UBAP2L: variants seen among roughly 807,000 people sequenced by gnomAD.
The protein encoded by UBAP2L is ubiquitin associated protein 2 like, also known as ubiquitin-associated protein 2-like.
In UBAP2L, 12 loss-of-function variants were observed where a neutral mutation model predicts 130.6. The ratio of observed to expected loss-of-function variants is 0.09; its 90% CI spans 0.06 to 0.15. UBAP2L has a LOEUF of 0.15. Ranked by LOEUF, UBAP2L falls within the 10% of genes least tolerant of loss-of-function variation. The pLI is 1.00. For missense variants in UBAP2L, 965 were observed against 1,332.5 expected (o/e 0.72, Z 4.29); for synonymous variants, 503 against 524.7 (o/e 0.96, Z 0.57).
chr1:154,255,374 A>G (rs1489761514), intron 17 of UBAP2L, 48 bp downstream of exon 17: 1 of 1,599,954 alleles, frequency 6.3e-7, no homozygotes, highest in Non-Finnish European at 8.5e-7. Flanking sequence ...TAGCAATAAC[A>G]GAGCTCTCTG....
At chr1:154,247,371 A>G (rs746454842) in intron 11 of UBAP2L, among the ~76,000 whole-genome samples, 1 of 152,094 alleles carries the variant, frequency 6.6e-6, no homozygotes, top group Non-Finnish European at 1.5e-5. Context: ...AAATGGAGAG[A>G]AGTGTTGGGA....
chr1:154,255,865 T>A, intron 18 of UBAP2L, 110 bp downstream of exon 18: 1 of 1,334,250 alleles, frequency 7.5e-7, no homozygotes, highest in South Asian at 1.2e-5. Context: ...GGTGGCAAAA[T>A]AATTGATTTG....
chr1:154,259,706 G>C, intron 21 of UBAP2L: 1 of 637,232 alleles, frequency 1.6e-6, no homozygotes, highest in Admixed American at 2.2e-5. Flanking sequence ...GGTCCTCGTG[G>C]ACTTTGATGT....
chr1:154,234,046 T>A (rs1670811681), intron 4 of UBAP2L, among the ~76,000 whole-genome samples: 1 of 151,996 alleles, frequency 6.6e-6, no homozygotes, highest in Non-Finnish European at 1.5e-5. Context: ...ACTTTATGGC[T>A]GGGCTTGGTG....
chr1:154,221,681 G>T (rs1235888103), intron 1 of UBAP2L, among the ~76,000 whole-genome samples: 2 of 152,192 alleles, frequency 1.3e-5, no homozygotes, highest in African/African-American at 4.8e-5. Context: ...GTGGGCTTGC[G>T]TCCCCTCTCC....
At chr1:154,256,164 T>C (rs1679581576) in intron 18 of UBAP2L, among the ~76,000 whole-genome samples, 1 of 152,252 alleles carries the variant, frequency 6.6e-6, no homozygotes, top group Admixed American at 6.5e-5. Flanking sequence ...TGAGAGCTTT[T>C]GGTCCAAGAG....
In UBAP2L at chr1:154,255,176, C is replaced by T. The variant is rs1399996096; in HGVS notation, c.1934C>T (p.Ser645Phe). The change falls in exon 17 of 27, where the codon TCT becomes TTT. Residue 645 changes from serine (S) to phenylalanine (F), a missense_variant. Ser to Phe is a radical substitution (Grantham distance 155). Around this residue, in one of 9 missense-constraint regions of UBAP2L, gnomAD observed 393 missense variants for 408.1 expected, o/e 0.96. Transcript: ENST00000428931. The stretch of plus-strand genomic sequence containing the variant: ...GGTGCTACAGGCTCTGCAGTGAAAT[C>T]TGATTCACCTTCCACTTCTAGCATC... Reference protein sequence around the residue: ...VEGATGSAVKSDSPSTSSIPP... With the variant: ...VEGATGSAVKFDSPSTSSIPP... 1 of 1,613,914 alleles carries T rather than the reference C, an allele frequency of 6.2e-7. No homozygotes were observed. The highest frequency in any genetic ancestry group is 1.7e-5 in the Admixed American group (1 of 59,998).
Position 154,243,198 on chromosome 1 carries a change from TAATC to T in UBAP2L, c.757-18_757-15del. The stretch of plus-strand genomic sequence containing the variant: ...TAGCATCCCTGACACCAAGAGTGAC[TAATC>T]CCTCTGTTTTCCAGCTTTCTGAGAC... On this transcript the variant is annotated splice_polypyrimidine_tract_variant and intron_variant, in intron 9 of 26. Coordinates refer to ENST00000428931, the MANE Select transcript of UBAP2L (RefSeq NM_014847.4). The T allele has an allele frequency of 6.2e-7, 1 of 1,607,144 alleles. No homozygotes were observed. The highest frequency in any genetic ancestry group is 8.5e-7 in the Non-Finnish European group (1 of 1,174,400).
intron 10 of UBAP2L, among the ~76,000 whole-genome samples, chr1:154,245,312 A>G (rs1165308527): frequency 6.6e-6 from 1 of 152,212 alleles, no homozygotes; most frequent in Non-Finnish European, 1.5e-5. Flanking sequence ...GGTATGGTTG[A>G]AAGAAGTGTG....
chr1:154,257,743 T>A (rs2148972906), intron 20 of UBAP2L: 1 of 371,248 alleles, frequency 2.7e-6, no homozygotes, highest in Admixed American at 4.4e-5. Context: ...TGGTTTTTAA[T>A]CTTTGCAGTT....
At chr1:154,265,005 C>T (rs1034729379) in intron 24 of UBAP2L, among the ~76,000 whole-genome samples, 1 of 152,196 alleles carries the variant, frequency 6.6e-6, no homozygotes, top group Non-Finnish European at 1.5e-5. Flanking sequence ...TTAAGATACT[C>T]CTGTATCGTT....
intron 14 of UBAP2L, among the ~76,000 whole-genome samples, chr1:154,252,714 C>T (rs1678177593): frequency 6.6e-6 from 1 of 152,000 alleles, no homozygotes. Flanking sequence ...CATGCACCAC[C>T]ATGCCCAGCT....
chr1:154,271,026 C>A (rs1194727974), downstream of UBAP2L: 2 of 1,367,964 alleles, frequency 1.5e-6, no homozygotes, highest in Non-Finnish European at 2.0e-6. Context: ...GTAGTAGTAT[C>A]TTGTCCTTGA....
intron 11 of UBAP2L, among the ~76,000 whole-genome samples, chr1:154,247,646 T>C (rs1419198354): frequency 6.6e-6 from 1 of 152,158 alleles, no homozygotes; most frequent in African/African-American, 2.4e-5. Context: ...GGAGGATTGC[T>C]TGAGACTAGG....
chr1:154,244,889 A>C (rs1489610668), intron 10 of UBAP2L, among the ~76,000 whole-genome samples: 2 of 152,052 alleles, frequency 1.3e-5, no homozygotes, highest in Admixed American at 1.3e-4. Context: ...CACCCCTGGA[A>C]TTTGGTGGGA....
At chr1:154,225,343 C>G in intron 2 of UBAP2L, 130 bp downstream of exon 2, 1 of 976,452 alleles carries the variant, frequency 1.0e-6, no homozygotes, top group Non-Finnish European at 1.5e-6. Context: ...TAGTCCTTGG[C>G]TCTTTTTTTA....
At chr1:154,232,033 TA>T (rs1049914204) in intron 4 of UBAP2L, among the ~76,000 whole-genome samples, 6 of 152,070 alleles carry the variant, frequency 3.9e-5, no homozygotes, top group African/African-American at 1.2e-4. Context: ...GATGGTAAGA[TA>T]ATAAAGATCT....
chr1:154,235,535 A>T (rs1377652079), intron 6 of UBAP2L, among the ~76,000 whole-genome samples: 1 of 151,362 alleles, frequency 6.6e-6, no homozygotes, highest in Non-Finnish European at 1.5e-5. Flanking sequence ...TTTGAGATGG[A>T]GTCTCGCACT....
intron 10 of UBAP2L, among the ~76,000 whole-genome samples, chr1:154,243,915 A>G (rs1288391880): frequency 6.6e-6 from 1 of 152,250 alleles, no homozygotes; most frequent in Admixed American, 6.5e-5. Flanking sequence ...GTTTTGAAGT[A>G]AGTCAGGGAA....
Sources: gnomAD v4.1 joint callset for allele counts (sites outside exome capture counted in the v4.1 genomes callset) on GRCh38, gnomAD v4.1.1 for gene constraint, gnomAD v4.1.1 regional missense constraint, MANE v1.5 for transcripts, NCBI Gene and HGNC (gene_info 2026-07-23, HGNC 2026-07-21) for gene names.